The following ADAM8 variants were observed in gnomAD, a reference collection of about 807,000 sequenced individuals.
ADAM8 encodes ADAM metallopeptidase domain 8, also known as disintegrin and metalloproteinase domain-containing protein 8.
In ADAM8, 104 loss-of-function variants were observed where a neutral mutation model predicts 102.4. The ratio of observed to expected loss-of-function variants is 1.02; its 90% CI spans 0.87 to 1.20. ADAM8 has a LOEUF of 1.20. ADAM8 is among the 50% of genes most tolerant of loss of function. The pLI, the probability that ADAM8 is intolerant of heterozygous loss-of-function variation, is 0.00. For synonymous variants in ADAM8, 517 were observed against 485.2 expected (o/e 1.07, Z -0.86); for missense variants, 1,132 against 1,159.0 (o/e 0.98, Z 0.34).
chr10:133,267,825 A>C (rs917723409), intron 20 of ADAM8, 104 bp downstream of exon 20: 21 of 1,130,670 alleles, frequency 1.9e-5, no homozygotes, highest in Non-Finnish European at 2.4e-5. Flanking sequence ...CCTGTGCGTG[A>C]ATTTAATGAA....
chr10:133,270,735 C>T lies in ADAM8; in HGVS notation c.1634+1G>A. The T allele has an allele frequency of 6.3e-7, 1 of 1,594,736 alleles. No homozygotes were observed. Among genetic ancestry groups the T allele is most frequent in the East Asian group, 2.3e-5 (1 of 43,616 alleles). On this transcript the variant is annotated splice_donor_variant, in intron 15 of 22. Transcript: ENST00000445355. LOFTEE classifies it high-confidence loss of function. ...CTGGGCCCAGGGCGGTCTCAGCTCACCTGTACCGGCTGGCCTTGCAGCCTG... is the reference window on the plus strand; with the variant it reads ...CTGGGCCCAGGGCGGTCTCAGCTCATCTGTACCGGCTGGCCTTGCAGCCTG...
In ADAM8 at chr10:133,274,167, C is replaced by T. The variant is rs1231530803; in HGVS notation, c.219G>A (p.Arg73=). The T allele has an allele frequency of 1.9e-6, 3 of 1,587,836 alleles. No homozygotes were observed. Among genetic ancestry groups the T allele is most frequent in the South Asian group, 1.1e-5 (1 of 87,580 alleles). Residue 73 remains arginine, a synonymous_variant, in exon 3 of 23, where the codon CGG becomes CGA. Transcript: ENST00000445355. Reference sequence around the variant, plus strand: ...ACCCGAGACCCACTCACCTGTTCTTCCGCAGGTGGAGGGTGAAGTTGTGCC... The same window carrying T: ...ACCCGAGACCCACTCACCTGTTCTTTCGCAGGTGGAGGGTGAAGTTGTGCC... The part of the protein sequence containing the change: ...ATGHNFTLHL[R]KNRDLLGSGY...
chr10:133,266,226 G>C (rs1240624170), intron 21 of ADAM8, among the ~76,000 whole-genome samples: 2 of 152,120 alleles, frequency 1.3e-5, no homozygotes, highest in East Asian at 3.9e-4. Flanking sequence ...AGTGCCTGGG[G>C]GGACCATGGC....
chr10:133,268,456 G>A (rs976846039), intron 19 of ADAM8, among the ~76,000 whole-genome samples: 3 of 152,182 alleles, frequency 2.0e-5, no homozygotes, highest in Admixed American at 6.5e-5. Context: ...GCTGGGTCAG[G>A]GTATGGGGGA....
intron 21 of ADAM8, among the ~76,000 whole-genome samples, chr10:133,265,689 T>C (rs766181527): frequency 2.2e-4 from 33 of 151,444 alleles, no homozygotes; most frequent in African/African-American, 7.8e-4. Context: ...CTCAGATACA[T>C]TGGGAGGCTG....
chr10:133,263,599 C>T (rs1331581226), intron 22 of ADAM8, 89 bp downstream of exon 22: 36 of 53,600 alleles, frequency 6.7e-4, no homozygotes, highest in Non-Finnish European at 9.8e-4. Context: ...AAAACCCCAC[C>T]CTCCAGGGCA....
At chr10:133,272,684 G>A in intron 8 of ADAM8, 99 bp from the exon 9 acceptor site, 3 of 1,537,154 alleles carry the variant, frequency 2.0e-6, no homozygotes, top group Non-Finnish European at 2.6e-6. Context: ...GGCGAGGTGG[G>A]GCCAGGCACA....
Position 133,268,849 on chromosome 10 carries a change from G to A in ADAM8, c.1962C>T (p.Leu654=), listed in dbSNP as rs1479011738. Residue 654 remains leucine (L), a synonymous_variant, in exon 19 of 23, where the codon CTC becomes CTT. Coordinates refer to ENST00000445355, the MANE Select transcript of ADAM8 (RefSeq NM_001109.5). ...LTEVHAASGS[L]PVFVVVVLVL... ...CCAGAACCACCACCACGAAGACGGG[G>A]AGGCTCCCGGACGCTGTGGGACACA... 7 of 1,606,944 alleles carry A rather than the reference G, an allele frequency of 4.4e-6. No individual in the cohort carries two copies. Among genetic ancestry groups the A allele is most frequent in the Middle Eastern group, 1.6e-4 (1 of 6,080 alleles).
chr10:133,263,673 G>A lies in ADAM8; in HGVS notation c.2397+15C>T. On this transcript the variant is annotated intron_variant, in intron 22 of 22. Transcript: ENST00000445355. ...TTGCACAGTGGACTCTGCCTGGTGTGTGCTGGGGCCTCACCTCAGCTGGAC... is the reference window on the plus strand; with the variant it reads ...TTGCACAGTGGACTCTGCCTGGTGTATGCTGGGGCCTCACCTCAGCTGGAC... 1.2e-6 allele frequency: 1 copy of A among 833,586 alleles called. No homozygotes were observed. The highest frequency in any genetic ancestry group is 6.5e-5 in the East Asian group (1 of 15,480). 51.6% of individuals were successfully genotyped at this position (833,586 alleles called of 1,614,324 possible).
intron 9 of ADAM8, 66 bp from the exon 10 acceptor site, chr10:133,272,340 C>T (rs1846561545): frequency 2.8e-6 from 4 of 1,425,568 alleles, no homozygotes; most frequent in Middle Eastern, 2.5e-4. Context: ...CCACCCCAGC[C>T]CTGCTCTCCC....
chr10:133,269,107 C>T (rs370841647), intron 18 of ADAM8: 22 of 985,318 alleles, frequency 2.2e-5, no homozygotes, highest in Non-Finnish European at 2.4e-5. Context: ...ATGCTCTGGA[C>T]GACCACATGC....
Position 133,262,798 on chromosome 10 carries a change from A to G in ADAM8, c.*358T>C. ...CAGGGCAGCCGGCTCAGCAGGCCCC[A>G]GAGCAGGGGCAGGTGTGGCTGGGAG... On this transcript the variant is annotated 3_prime_UTR_variant, in exon 23 of 23. Transcript: ENST00000445355. 1 of 263,766 alleles carries G rather than the reference A, an allele frequency of 3.8e-6. No homozygotes were observed. Among genetic ancestry groups the G allele is most frequent in the Non-Finnish European group, 7.4e-6 (1 of 135,330 alleles). The allele number at this position is 263,766 out of a possible 1,614,324, so 16.3% of individuals were successfully genotyped here. A position where few individuals can be genotyped will look rare whatever the true frequency, so the allele number is the denominator to read the frequency against.
At chr10:133,263,796 TC>T in intron 21 of ADAM8, 31 bp from the exon 22 acceptor site, 2 of 1,488,648 alleles carry the variant, frequency 1.3e-6, no homozygotes, top group Non-Finnish European at 1.8e-6. Flanking sequence ...CTGACATGGG[TC>T]CCCCAGGCAC....
At chr10:133,266,101 G>C (rs2995306) in intron 21 of ADAM8, among the ~76,000 whole-genome samples, 136,548 of 152,094 alleles carry the variant, frequency 0.9, 61,388 homozygotes, top group East Asian at 0.94. Context: ...CAACAGTGCA[G>C]GGCCCTCATC....
chr10:133,268,226 G>A (rs989938222), intron 19 of ADAM8, 108 bp from the exon 20 acceptor site: 76 of 1,032,306 alleles, frequency 7.4e-5, no homozygotes, highest in Middle Eastern at 6.3e-4. Context: ...GCTTCAGGGC[G>A]AGAGGTTGTG....
At chr10:133,267,460 C>G (rs1291030795) in intron 20 of ADAM8, 43 bp from the exon 21 acceptor site, 1 of 1,557,244 alleles carries the variant, frequency 6.4e-7, no homozygotes, top group Admixed American at 1.9e-5. Context: ...AGCTGGGACC[C>G]CCGTGCCCCT....
intron 21 of ADAM8, among the ~76,000 whole-genome samples, chr10:133,264,525 G>T (rs1846262097): frequency 6.6e-6 from 1 of 152,242 alleles, no homozygotes; most frequent in East Asian, 1.9e-4. Context: ...GTCACACGGA[G>T]CCTGGGTGGG....
rs1017007373 is a variant in ADAM8, at chr10:133,271,823, G to A, written c.1089C>T (p.Ile363=). 1.2e-6 allele frequency: 2 copies of A among 1,612,090 alleles called. No individual in the cohort carries two copies. Among genetic ancestry groups the A allele is most frequent in the African/African-American group, 2.7e-5 (2 of 75,018 alleles). ...CQERFEAGRC[I]MAGSIGSSFP... ...CGCCTCACCCAATGCTGCCCGCCAT[G>A]ATGCAGCGGCCGGCCTCGAAGCGTT... The change falls in exon 11 of 23, where the codon ATC becomes ATT. Residue 363 remains isoleucine (I), a synonymous_variant. Transcript: ENST00000445355.
intron 2 of ADAM8, among the ~76,000 whole-genome samples, chr10:133,275,203 T>G (rs1246220121): frequency 6.6e-6 from 1 of 152,142 alleles, no homozygotes; most frequent in Non-Finnish European, 1.5e-5. Context: ...GAATTTGGCT[T>G]ATCAGCCTCG....
Sources: allele counts gnomAD v4.1 joint callset (sites outside exome capture counted in the v4.1 genomes callset), GRCh38; gene constraint gnomAD v4.1.1; transcripts MANE v1.5; gene names NCBI Gene and HGNC (gene_info 2026-07-23, HGNC 2026-07-21).